CDYL2: variants seen among roughly 807,000 people sequenced by gnomAD.
The protein encoded by CDYL2 is chromodomain Y-like protein 2.
A neutral mutation model predicts 49.4 loss-of-function variants in CDYL2; 23 were observed. That is an observed-to-expected ratio of 0.47 (90% CI 0.34 to 0.66). The LOEUF (loss-of-function observed/expected upper bound fraction) is 0.66. Ranked by LOEUF, CDYL2 falls within the 30% of genes least tolerant of loss-of-function variation. CDYL2 has a pLI of 0.01. For missense variants in CDYL2, 678 were observed against 656.4 expected, an observed-to-expected ratio of 1.03 and a Z score of -0.36; for synonymous variants, 360 against 268.8, an observed-to-expected ratio of 1.34 and a Z score of -3.32.
At chr16:80,716,970 GTGGATAGATGATTAGATGAA>G (rs2142519543) in intron 1 of CDYL2, among the ~76,000 whole-genome samples, 1 of 149,334 alleles carries the variant, frequency 6.7e-6, no homozygotes, top group Non-Finnish European at 1.5e-5. Context: ...AGATGGATGA[GTGGATAGATGATTAGATGAA>G]TGGATGATTC....
chr16:80,671,289 A>G (rs1316436310), intron 2 of CDYL2, among the ~76,000 whole-genome samples: 2 of 152,238 alleles, frequency 1.3e-5, no homozygotes, highest in East Asian at 3.8e-4. Flanking sequence ...GAGGAAGGCC[A>G]GAGTGGCTGA....
At chr16:80,641,702 A>T (rs1255538875) in intron 2 of CDYL2, among the ~76,000 whole-genome samples, 4 of 140,118 alleles carry the variant, frequency 2.9e-5, no homozygotes, top group Admixed American at 7.9e-5. Flanking sequence ...AACAATGAGA[A>T]CACATGGACA....
intron 2 of CDYL2, among the ~76,000 whole-genome samples, chr16:80,668,521 C>T (rs1028731292): frequency 2.6e-5 from 4 of 151,224 alleles, no homozygotes; most frequent in African/African-American, 4.9e-5. Flanking sequence ...AATACATATA[C>T]ATATATATAA....
chr16:80,803,518 G>A (rs1257855245), intron 1 of CDYL2, among the ~76,000 whole-genome samples: 2 of 152,016 alleles, frequency 1.3e-5, no homozygotes, highest in Non-Finnish European at 2.9e-5. Context: ...TGGTGCGGGG[G>A]CAGCAGGTGG....
intron 1 of CDYL2, among the ~76,000 whole-genome samples, chr16:80,715,499 G>A (rs1275117714): frequency 2.0e-5 from 3 of 152,108 alleles, no homozygotes; most frequent in Non-Finnish European, 4.4e-5. Context: ...GACACTCATG[G>A]TTCTCCAGTG....
intron 2 of CDYL2, among the ~76,000 whole-genome samples, chr16:80,640,637 T>C (rs59871458): frequency 0.039 from 5,913 of 152,160 alleles, 392 homozygotes; most frequent in African/African-American, 0.14. Flanking sequence ...AAGGGAGATA[T>C]GTGACCTTTC....
chr16:80,647,572 G>C (rs762482434), intron 2 of CDYL2, among the ~76,000 whole-genome samples: 4 of 152,088 alleles, frequency 2.6e-5, no homozygotes, highest in African/African-American at 4.8e-5. Flanking sequence ...TAAAGAGACA[G>C]ACCCCAGGAA....
At chr16:80,720,474 G>A (rs565492124) in intron 1 of CDYL2, among the ~76,000 whole-genome samples, 2 of 152,274 alleles carry the variant, frequency 1.3e-5, no homozygotes, top group South Asian at 2.1e-4. Context: ...AGTGTCATTT[G>A]ACTCCAACAG....
intron 1 of CDYL2, among the ~76,000 whole-genome samples, chr16:80,694,780 G>A (rs1910555655): frequency 6.6e-6 from 1 of 152,086 alleles, no homozygotes; most frequent in South Asian, 2.1e-4. Flanking sequence ...GGGCTCCCTA[G>A]GAAAATGCCT....
At chr16:80,613,293 T>A (rs564254393) in intron 4 of CDYL2, among the ~76,000 whole-genome samples, 126 of 152,274 alleles carry the variant, frequency 8.3e-4, no homozygotes, top group Admixed American at 3.7e-3. Context: ...TGGCCAAAGG[T>A]GAATGGAGTG....
rs528756565 is a variant in CDYL2, at chr16:80,600,197, A to G, written c.*4191T>C. 1.3e-5 allele frequency: 2 copies of G among 152,300 alleles called. No individual in the cohort carries two copies. Among genetic ancestry groups the G allele is most frequent in the Admixed American group, 6.5e-5 (1 of 15,294 alleles). 9.4% of individuals were successfully genotyped at this position (152,300 alleles called of 1,614,324 possible). On this transcript the variant is annotated 3_prime_UTR_variant, in exon 7 of 7. Transcript: ENST00000570137. ...TTATACTTCAAACGCAATTACTTCG[A>G]AAAAAGATTAACCTGCTCTCCAACA... is the stretch of plus-strand genomic sequence containing the variant.
At chr16:80,624,813 C>T (rs1270922997) in intron 3 of CDYL2, among the ~76,000 whole-genome samples, 1 of 152,176 alleles carries the variant, frequency 6.6e-6, no homozygotes, top group Non-Finnish European at 1.5e-5. Flanking sequence ...AAGTCATGGA[C>T]ATCTGCTGAG....
rs986049172 is a variant in CDYL2, at chr16:80,624,511, A to G, written c.835-3576T>C. On this transcript the variant is annotated intron_variant, in intron 3 of 6. Transcript: ENST00000570137. Reference sequence around the variant, plus strand: ...TGAATGTAAAAGTACTCTGGGGAGAAGCTGCAACCCAGACCGCATGGGAAT... The same window carrying G: ...TGAATGTAAAAGTACTCTGGGGAGAGGCTGCAACCCAGACCGCATGGGAAT... 1.9e-4 allele frequency among the ~76,000 whole-genome samples: 29 copies of G among 152,198 alleles called. 1 individual carries two copies. The highest frequency in any genetic ancestry group is 1.2e-4 in the Non-Finnish European group (8 of 68,042).
intron 1 of CDYL2, among the ~76,000 whole-genome samples, chr16:80,761,195 G>A (rs1382458625): frequency 2.6e-5 from 4 of 152,138 alleles, no homozygotes; most frequent in Non-Finnish European, 5.9e-5. Flanking sequence ...GTGAAGCCCA[G>A]CAATCTGTTT....
chr16:80,736,949 A>C (rs1346391226), intron 1 of CDYL2, among the ~76,000 whole-genome samples: 1 of 152,142 alleles, frequency 6.6e-6, no homozygotes, highest in African/African-American at 2.4e-5. Flanking sequence ...GAGCCCTGGA[A>C]ATTTATATTA....
intron 1 of CDYL2, among the ~76,000 whole-genome samples, chr16:80,802,006 A>G (rs1029491698): frequency 6.6e-6 from 1 of 151,752 alleles, no homozygotes; most frequent in Non-Finnish European, 1.5e-5. Flanking sequence ...ACAATTACCT[A>G]CTATCACAGA....
intron 1 of CDYL2, among the ~76,000 whole-genome samples, chr16:80,732,857 C>A (rs188557264): frequency 7.2e-6 from 1 of 139,318 alleles, no homozygotes; most frequent in South Asian, 2.5e-4. Context: ...GTTATAACCT[C>A]TCTAAACAAG....
intron 1 of CDYL2, among the ~76,000 whole-genome samples, chr16:80,785,839 C>A (rs541856890): frequency 1.3e-5 from 2 of 152,172 alleles, no homozygotes; most frequent in African/African-American, 4.8e-5. Context: ...CTTTGACCAA[C>A]CCGACACACA....
chr16:80,769,671 C>A (rs974490822), intron 1 of CDYL2, among the ~76,000 whole-genome samples: 4 of 152,170 alleles, frequency 2.6e-5, no homozygotes, highest in Non-Finnish European at 4.4e-5. Flanking sequence ...GAACAGGAAA[C>A]CAGTACTTTT....
Sources: allele counts gnomAD v4.1 joint callset (sites outside exome capture counted in the v4.1 genomes callset), GRCh38; gene constraint gnomAD v4.1.1; transcripts MANE v1.5; gene names NCBI Gene and HGNC (gene_info 2026-07-23, HGNC 2026-07-21).